FAT3: variants seen among roughly 807,000 people sequenced by gnomAD.
The protein encoded by FAT3 is protocadherin Fat 3.
A neutral mutation model predicts 310.2 loss-of-function variants in FAT3; 95 were observed. That is an observed-to-expected ratio of 0.31 (90% CI 0.26 to 0.36). The LOEUF is 0.36. Among genes scored for constraint, FAT3 ranks in the 10% least tolerant of loss-of-function variants. The pLI, the probability that FAT3 is intolerant of heterozygous loss-of-function variation, is 1.00. For synonymous variants in FAT3, 2,314 were observed against 2,192.9 expected (o/e 1.06, Z -1.54); for missense variants, 5,408 against 5,715.6 (o/e 0.95, Z 1.74).
chr11:92,566,356 AC>A (rs1955442734), intron 3 of FAT3, among the ~76,000 whole-genome samples: 1 of 152,172 alleles, frequency 6.6e-6, no homozygotes, highest in African/African-American at 2.4e-5. Flanking sequence ...TTCAAGGAGA[AC>A]TACAAACCAC....
At chr11:92,699,522 T>A (rs1944034111) in intron 4 of FAT3, among the ~76,000 whole-genome samples, 1 of 152,234 alleles carries the variant, frequency 6.6e-6, no homozygotes, top group African/African-American at 2.4e-5. Flanking sequence ...TGCTTGGGAT[T>A]CGAAATGTTT....
chr11:92,651,154 C>T (rs1445742233), intron 3 of FAT3, among the ~76,000 whole-genome samples: 1 of 152,208 alleles, frequency 6.6e-6, no homozygotes, highest in East Asian at 1.9e-4. Flanking sequence ...ACTTTACAGC[C>T]AATTGTCAAA....
At chr11:92,688,589 C>A (rs888561295) in intron 3 of FAT3, among the ~76,000 whole-genome samples, 1 of 152,098 alleles carries the variant, frequency 6.6e-6, no homozygotes, top group Non-Finnish European at 1.5e-5. Context: ...GGGACCCTGA[C>A]GTGAGTATTT....
chr11:92,872,385 A>G (rs1244052932), intron 22 of FAT3, among the ~76,000 whole-genome samples: 1 of 152,228 alleles, frequency 6.6e-6, no homozygotes, highest in Admixed American at 6.5e-5. Context: ...GTTCCCCTAC[A>G]TGCTCCACCC....
At chr11:92,604,800 G>C (rs2135597861) in intron 3 of FAT3, among the ~76,000 whole-genome samples, 1 of 152,360 alleles carries the variant, frequency 6.6e-6, no homozygotes, top group South Asian at 2.1e-4. Flanking sequence ...CAAGGAAGGA[G>C]TGATATTTAG....
At chr11:92,819,164 A>T (rs11020067) in intron 13 of FAT3, among the ~76,000 whole-genome samples, 4,738 of 152,232 alleles carry the variant, frequency 0.031, 228 homozygotes, top group African/African-American at 0.11. Flanking sequence ...GCTGCAGACA[A>T]CATGATAGGG....
chr11:92,599,519 A>G (rs72956437), intron 3 of FAT3, among the ~76,000 whole-genome samples: 6,778 of 152,252 alleles, frequency 0.045, 203 homozygotes, highest in Non-Finnish European at 0.064. Flanking sequence ...AGACACAGCC[A>G]AGCCATATCA....
intron 1 of FAT3, among the ~76,000 whole-genome samples, chr11:92,240,297 C>A (rs1490926290): frequency 1.3e-5 from 2 of 151,946 alleles, no homozygotes; most frequent in African/African-American, 4.8e-5. Context: ...GAAACATTTT[C>A]CTTTTCTTCT....
At position 92,875,866 on chromosome 11, in the gene FAT3, A is replaced by AT. The variant is rs1227764754; in HGVS notation, c.12128-4864dup. 3.3e-5 allele frequency among the ~76,000 whole-genome samples: 5 copies of AT among 152,216 alleles called. 1 individual carries two copies. Among genetic ancestry groups the AT allele is most frequent in the Non-Finnish European group, 7.3e-5 (5 of 68,036 alleles). ...CGGCAAAATTCAGAAGGAACTGTGT[A>AT]TAAGTAAAATTGTGCTCTAGAGGTA... is the stretch of plus-strand genomic sequence containing the variant. On this transcript the variant is annotated intron_variant, in intron 22 of 27. Coordinates refer to ENST00000525166, the MANE Select transcript of FAT3 (RefSeq NM_001367949.2).
chr11:92,556,182 G>A (rs1400868504), intron 3 of FAT3, among the ~76,000 whole-genome samples: 25 of 152,152 alleles, frequency 1.6e-4, no homozygotes. Flanking sequence ...ATCAAGTAAA[G>A]GCTATTCTCC....
chr11:92,552,564 GA>G (rs1157457506), intron 3 of FAT3, among the ~76,000 whole-genome samples: 1 of 152,112 alleles, frequency 6.6e-6, no homozygotes, highest in African/African-American at 2.4e-5. Flanking sequence ...AGGGAAAGAT[GA>G]AAATGAGTTC....
At chr11:92,553,272 A>C (rs1954884361) in intron 3 of FAT3, among the ~76,000 whole-genome samples, 1 of 152,214 alleles carries the variant, frequency 6.6e-6, no homozygotes, top group Admixed American at 6.5e-5. Context: ...GATATTTTCT[A>C]TCTTTTCTTT....
chr11:92,462,482 G>T (rs1221786262), intron 2 of FAT3, among the ~76,000 whole-genome samples: 2 of 152,078 alleles, frequency 1.3e-5, no homozygotes, highest in African/African-American at 4.8e-5. Context: ...AAGCTTTAAA[G>T]AAATTTTATC....
Position 92,352,647 on chromosome 11 carries a change from C to A in FAT3, c.535C>A (p.Gln179Lys), listed in dbSNP as rs2134632459. The change falls in exon 2 of 28, where the codon CAG becomes AAG. Residue 179 changes from glutamine (Q) to lysine (K), a missense_variant. By Grantham distance (53) the Gln-to-Lys change is moderately conservative (BLOSUM62 1). Around this residue, in one of 5 missense-constraint regions of FAT3, gnomAD observed 4,588 missense variants for 4,809.8 expected, o/e 0.95. Coordinates refer to ENST00000525166, the MANE Select transcript of FAT3 (RefSeq NM_001367949.2). ...ESTPLRTSVA[Q>K]VTATDADIGS... ...CACACCTCTAAGGACTAGTGTTGCC[C>A]AGGTGACTGCAACAGACGCAGATAT... 1 of 1,613,804 alleles carries A rather than the reference C, an allele frequency of 6.2e-7. No homozygotes were observed. The highest frequency in any genetic ancestry group is 8.5e-7 in the Non-Finnish European group (1 of 1,179,850).
At chr11:92,356,014 G>C (rs1344149786) in intron 2 of FAT3, among the ~76,000 whole-genome samples, 1 of 152,074 alleles carries the variant, frequency 6.6e-6, no homozygotes, top group African/African-American at 2.4e-5. Flanking sequence ...TATAAAAATT[G>C]ATTTTAAGAA....
At chr11:92,777,849 G>C (rs1946635946) in intron 7 of FAT3, among the ~76,000 whole-genome samples, 1 of 152,092 alleles carries the variant, frequency 6.6e-6, no homozygotes, top group African/African-American at 2.4e-5. Flanking sequence ...TAAGAATTCA[G>C]TTAATATTAG....
At chr11:92,453,044 G>A (rs182481504) in intron 2 of FAT3, among the ~76,000 whole-genome samples, 237 of 152,196 alleles carry the variant, frequency 1.6e-3, no homozygotes, top group African/African-American at 5.3e-3. Flanking sequence ...AAAGTGTTGG[G>A]ATTACAGGTG....
chr11:92,415,827 T>C (rs1376956397), intron 2 of FAT3, among the ~76,000 whole-genome samples: 2 of 149,070 alleles, frequency 1.3e-5, no homozygotes, highest in Non-Finnish European at 3.0e-5. Context: ...AAAGTACCAA[T>C]CTTTTAGCAT....
intron 1 of FAT3, among the ~76,000 whole-genome samples, chr11:92,255,153 A>G (rs1865266751): frequency 6.6e-6 from 1 of 152,132 alleles, no homozygotes; most frequent in Admixed American, 6.6e-5. Flanking sequence ...GTCCCTATGA[A>G]GAGCATGAGA....
Sources: gnomAD v4.1 joint callset for allele counts (sites outside exome capture counted in the v4.1 genomes callset) on GRCh38, gnomAD v4.1.1 for gene constraint, gnomAD v4.1.1 regional missense constraint, MANE v1.5 for transcripts, NCBI Gene and HGNC (gene_info 2026-07-23, HGNC 2026-07-21) for gene names.